Variants in PPWD1 observed in about 807,000 individuals in gnomAD.
PPWD1 encodes the protein peptidylprolyl isomerase domain and WD repeat-containing protein 1.
In PPWD1, 43 loss-of-function variants were observed where a neutral mutation model predicts 68.8. That is an observed-to-expected ratio of 0.62 (90% CI 0.49 to 0.81). The LOEUF is 0.81. Among genes scored for constraint, PPWD1 ranks in the 30% least tolerant of loss-of-function variants. The probability of loss-of-function intolerance (pLI) is 0.00; values close to 1 mark genes in which losing one functional copy is unlikely to be tolerated. For missense variants in PPWD1, 672 were observed against 804.8 expected (o/e 0.83, Z 2.00); for synonymous variants, 232 against 258.7 (o/e 0.90, Z 0.99).
chr5:65,579,516 C>T lies in PPWD1; in HGVS notation c.1253C>T (p.Thr418Ile). 2 of 1,611,394 alleles carry T rather than the reference C, an allele frequency of 1.2e-6. No homozygotes were observed. The highest frequency in any genetic ancestry group is 2.2e-5 in the East Asian group (1 of 44,624). The change falls in exon 7 of 11, where the codon ACT (threonine) becomes ATT (isoleucine). Residue 418 changes from threonine to isoleucine, a missense_variant. Physicochemically the swap from Thr to Ile is moderately conservative, Grantham distance 89. Around this residue, in one of 2 missense-constraint regions of PPWD1, gnomAD observed 484 missense variants for 646.2 expected, o/e 0.75. Transcript: ENST00000261308. ...GIAKKHRAAT[T>I]IEMKASENPV... ...GCCAAAAAGCATCGTGCTGCAACTA[C>T]TATAGAAATGAAAGCTTCTGAAAAT...
chr5:65,565,361 G>C (rs1341421284), intron 1 of PPWD1, among the ~76,000 whole-genome samples: 2 of 152,184 alleles, frequency 1.3e-5, no homozygotes, highest in African/African-American at 4.8e-5. Context: ...AATTAAACGA[G>C]TAAGGAGAAA....
intron 10 of PPWD1, among the ~76,000 whole-genome samples, chr5:65,586,995 G>A (rs529711004): frequency 6.6e-6 from 1 of 152,260 alleles, no homozygotes; most frequent in Admixed American, 6.5e-5. Flanking sequence ...TACCTTTAGG[G>A]AAGATCTTCC....
At chr5:65,570,650 A>G (rs1406684887) in intron 4 of PPWD1, among the ~76,000 whole-genome samples, 1 of 152,052 alleles carries the variant, frequency 6.6e-6, no homozygotes, top group Non-Finnish European at 1.5e-5. Flanking sequence ...TGGAGGCTGG[A>G]AAGTCCAAGA....
At chr5:65,567,726 ATTTCT>A (rs1195976208) in intron 2 of PPWD1, 111 bp downstream of exon 2, 8 of 1,372,790 alleles carry the variant, frequency 5.8e-6, no homozygotes, top group Non-Finnish European at 7.6e-6. Flanking sequence ...TAGATTTTTA[ATTTCT>A]TAAGTTCTGA....
At chr5:65,573,475 ATTTTTTTTT>A (rs71728896) in intron 5 of PPWD1, among the ~76,000 whole-genome samples, 2 of 67,746 alleles carry the variant, frequency 3.0e-5, no homozygotes, top group African/African-American at 1.4e-4. Context: ...ATATATATAT[ATTTTTTTTT>A]TATTAGAGAT....
In PPWD1 at chr5:65,571,878, G is replaced by A. The variant is rs1288042900; in HGVS notation, c.561G>A (p.Gly187=). ...AGTGTGAGTGGATCTATTGCCCAGG[G>A]GATGCAATTTCTTCAGTTGCTGCTT... ...PGQCEWIYCP[G]DAISSVAASE... The change falls in exon 5 of 11, where the codon GGG becomes GGA. Residue 187 remains glycine (G), a synonymous_variant. Transcript: ENST00000261308. The A allele has an allele frequency of 1.1e-5, 18 of 1,613,936 alleles. No homozygotes were observed. Among genetic ancestry groups the A allele is most frequent in the Non-Finnish European group, 1.5e-5 (18 of 1,179,946 alleles).
At chr5:65,578,762 A>G (rs1246621008) in intron 6 of PPWD1, among the ~76,000 whole-genome samples, 87 of 68,420 alleles carry the variant, frequency 1.3e-3, no homozygotes, top group African/African-American at 8.3e-4. Context: ...ATATATGTGT[A>G]TATATATATA....
intron 9 of PPWD1, among the ~76,000 whole-genome samples, chr5:65,585,386 A>G (rs1433070260): frequency 6.6e-6 from 1 of 152,190 alleles, no homozygotes; most frequent in Admixed American, 6.5e-5. Flanking sequence ...TAACCTAGGT[A>G]ACCTCTTTGT....
chr5:65,563,978 C>T (rs1313598380), intron 1 of PPWD1: 4 of 786,488 alleles, frequency 5.1e-6, no homozygotes, highest in Non-Finnish European at 8.1e-6. Flanking sequence ...CTGACACTTC[C>T]ACTAATAAAT....
chr5:65,571,684 C>A, intron 4 of PPWD1, 155 bp from the exon 5 acceptor site: 1 of 818,728 alleles, frequency 1.2e-6, no homozygotes, highest in Non-Finnish European at 1.5e-6. Flanking sequence ...CTATTCTTAG[C>A]TGTTCCTCCC....
intron 10 of PPWD1, among the ~76,000 whole-genome samples, chr5:65,586,656 C>G (rs1753863780): frequency 6.6e-6 from 1 of 151,998 alleles, no homozygotes; most frequent in African/African-American, 2.4e-5. Flanking sequence ...TAAAAATTAC[C>G]TAGTTTTTGT....
intron 4 of PPWD1, among the ~76,000 whole-genome samples, chr5:65,571,547 T>G (rs1753006266): frequency 6.6e-6 from 1 of 152,244 alleles, no homozygotes; most frequent in Non-Finnish European, 1.5e-5. Context: ...GGTCCAGATC[T>G]GATTAGGTTT....
chr5:65,580,449 C>T (rs922096229), intron 7 of PPWD1, among the ~76,000 whole-genome samples: 15 of 152,156 alleles, frequency 9.9e-5, no homozygotes, highest in Admixed American at 2.0e-4. Context: ...TTTGCACAGG[C>T]TATTCATTCT....
In PPWD1 at chr5:65,577,019, G is replaced by A; in HGVS notation, c.1110G>A (p.Val370=). The A allele has an allele frequency of 6.2e-7, 1 of 1,614,124 alleles. No homozygotes were observed. The highest frequency in any genetic ancestry group is 8.5e-7 in the Non-Finnish European group (1 of 1,179,980). Residue 370 remains valine (V), a synonymous_variant, in exon 6 of 11, where the codon GTG becomes GTA. Coordinates refer to ENST00000261308, the MANE Select transcript of PPWD1 (RefSeq NM_015342.4). ...NIVFDETGHF[V]LYGTMLGIKV... is the part of the protein sequence containing the mutation. ...TTTTTGATGAAACTGGACACTTCGT[G>A]CTGTATGGAACAATGCTGGGCATTA... is the stretch of plus-strand genomic sequence containing the variant.
intron 5 of PPWD1, among the ~76,000 whole-genome samples, chr5:65,573,469 A>AT (rs1285404689): frequency 7.7e-5 from 4 of 51,886 alleles, no homozygotes; most frequent in African/African-American, 3.7e-4. Context: ...ATATATATAT[A>AT]TATATATTTT....
At chr5:65,579,657 G>T in intron 7 of PPWD1, 44 bp downstream of exon 7, 1 of 1,343,242 alleles carries the variant, frequency 7.4e-7, no homozygotes, top group Non-Finnish European at 9.7e-7. Flanking sequence ...GTTCCTTCCA[G>T]TTTGGTTTGA....
intron 1 of PPWD1, 121 bp from the exon 2 acceptor site, chr5:65,567,389 GAAA>G: frequency 7.5e-7 from 1 of 1,339,544 alleles, no homozygotes; most frequent in Admixed American, 3.0e-5. Flanking sequence ...TGTGAATTGA[GAAA>G]AACTAAAATC....
intron 9 of PPWD1, 94 bp from the exon 10 acceptor site, chr5:65,585,905 C>T: frequency 6.6e-7 from 1 of 1,515,948 alleles, no homozygotes; most frequent in Non-Finnish European, 8.8e-7. Flanking sequence ...GTTAATATTA[C>T]ACTGAATACA....
intron 6 of PPWD1, among the ~76,000 whole-genome samples, chr5:65,577,739 G>A (rs991697314): frequency 6.6e-6 from 1 of 151,980 alleles, no homozygotes; most frequent in Non-Finnish European, 1.5e-5. Flanking sequence ...TTACTTTTTT[G>A]AACAGTTTTA....
Sources: gnomAD v4.1 joint callset for allele counts (sites outside exome capture counted in the v4.1 genomes callset) on GRCh38, gnomAD v4.1.1 for gene constraint, gnomAD v4.1.1 regional missense constraint, MANE v1.5 for transcripts, NCBI Gene and HGNC (gene_info 2026-07-23, HGNC 2026-07-21) for gene names.